Variants in NT5C2 observed in about 807,000 individuals in gnomAD.
NT5C2 encodes cytosolic purine 5'-nucleotidase.
Under a neutral mutation model 76.1 loss-of-function variants are expected in NT5C2, and 58 were observed. The ratio of observed to expected loss-of-function variants is 0.76; its 90% CI spans 0.62 to 0.95. NT5C2 has a LOEUF of 0.95. Among genes scored for constraint, NT5C2 ranks in the 40% least tolerant of loss-of-function variants. The pLI, the probability that NT5C2 is intolerant of heterozygous loss-of-function variation, is 0.00. For synonymous variants in NT5C2, 229 were observed against 237.4 expected (o/e 0.96, Z 0.32); for missense variants, 478 against 690.3 (o/e 0.69, Z 3.45).
intron 4 of NT5C2, among the ~76,000 whole-genome samples, chr10:103,121,402 C>T (rs2075635108): frequency 6.6e-6 from 1 of 152,128 alleles, no homozygotes; most frequent in Non-Finnish European, 1.5e-5. Flanking sequence ...CATTTAAGCA[C>T]CTCCAATGCC....
In NT5C2 at chr10:103,101,329, G is replaced by A. The variant is rs754629068; in HGVS notation, c.390-3C>T. 85 of 1,538,090 alleles carry A rather than the reference G, an allele frequency of 5.5e-5. No individual in the cohort carries two copies. Among genetic ancestry groups the A allele is most frequent in the Non-Finnish European group, 6.6e-5 (74 of 1,123,542 alleles). On this transcript the variant is annotated splice_polypyrimidine_tract_variant and splice_region_variant and intron_variant, in intron 6 of 18. Transcript: ENST00000404739. ...GATACTGTTCTCTAGTTTCTGGTCT[G>A]AAAGAAAAATTTAAAAATTAACTGA...
At position 103,098,682 on chromosome 10, in the gene NT5C2, T is replaced by TA. The variant is rs201183513; in HGVS notation, c.687+248dup. On this transcript the variant is annotated intron_variant, in intron 10 of 18. Transcript: ENST00000404739. The stretch of plus-strand genomic sequence containing the variant: ...ATTGAAGCTAAGCGAACAAATGCAA[T>TA]ACTGAGTCTTCTTGCCTATCAAGAA... 335 of 448,156 alleles carry TA rather than the reference T, an allele frequency of 7.5e-4. 8 individuals carry two copies. The East Asian group carries it at 0.013, about 18-fold the overall frequency. 27.8% of individuals were successfully genotyped at this position (448,156 alleles called of 1,614,324 possible). A position where few individuals can be genotyped will look rare whatever the true frequency, so the allele number is the denominator to read the frequency against.
rs1565290597 is a variant in NT5C2, at chr10:103,174,977, T to C, written c.-19A>G. The C allele has an allele frequency of 6.7e-7, 1 of 1,496,138 alleles. No homozygotes were observed. The highest frequency in any genetic ancestry group is 9.3e-7 in the Non-Finnish European group (1 of 1,073,374). 92.7% of individuals were successfully genotyped at this position (1,496,138 alleles called of 1,614,324 possible). The stretch of plus-strand genomic sequence containing the variant: ...TTGACATTTTATTTTAACTGTATTT[T>C]GTATTCTAGAAAAGAAAATCATTAA... On this transcript the variant is annotated 5_prime_UTR_variant, in exon 3 of 19. Transcript: ENST00000404739.
At chr10:103,159,558 A>C (rs1348153149) in intron 3 of NT5C2, among the ~76,000 whole-genome samples, 4 of 151,936 alleles carry the variant, frequency 2.6e-5, no homozygotes, top group African/African-American at 9.7e-5. Flanking sequence ...CTGAGGTGGG[A>C]GAATCACGTG....
intron 4 of NT5C2, chr10:103,125,255 A>G: frequency 1.3e-6 from 1 of 747,844 alleles, no homozygotes; most frequent in Non-Finnish European, 2.3e-6. Flanking sequence ...ATCATCAATG[A>G]TTTCAAATTC....
At chr10:103,163,523 G>T (rs1036432085) in intron 3 of NT5C2, among the ~76,000 whole-genome samples, 15 of 152,060 alleles carry the variant, frequency 9.9e-5, no homozygotes, top group Admixed American at 6.6e-4. Flanking sequence ...AATGGGTAAA[G>T]AAGTTAAATA....
intron 9 of NT5C2, 120 bp from the exon 10 acceptor site, chr10:103,099,104 A>C: frequency 1.3e-6 from 1 of 786,580 alleles, no homozygotes; most frequent in Non-Finnish European, 2.1e-6. Flanking sequence ...AGACAAGGTC[A>C]CCCTGTTGCC....
intron 4 of NT5C2, chr10:103,125,093 A>G (rs2076416302): frequency 1.3e-5 from 5 of 385,566 alleles, no homozygotes; most frequent in Non-Finnish European, 2.4e-5. Context: ...GTCAGCTGAG[A>G]TAGTTAGTAC....
At chr10:103,163,338 T>G (rs2085406485) in intron 3 of NT5C2, among the ~76,000 whole-genome samples, 1 of 152,202 alleles carries the variant, frequency 6.6e-6, no homozygotes, top group African/African-American at 2.4e-5. Flanking sequence ...GGTCTCTAAC[T>G]TGATAAGAAA....
intron 4 of NT5C2, among the ~76,000 whole-genome samples, chr10:103,113,249 T>C (rs1050804923): frequency 6.6e-6 from 1 of 152,108 alleles, no homozygotes; most frequent in Non-Finnish European, 1.5e-5. Context: ...AAATGCAAAA[T>C]TAAATGGTAA....
chr10:103,143,896 A>G (rs1196137569), intron 3 of NT5C2, among the ~76,000 whole-genome samples: 1 of 152,104 alleles, frequency 6.6e-6, no homozygotes. Context: ...TCAAGGCTGC[A>G]GCGAACTGAG....
At chr10:103,153,382 C>T in intron 3 of NT5C2, 6 of 1,209,092 alleles carry the variant, frequency 5.0e-6, no homozygotes, top group Non-Finnish European at 6.3e-6. Context: ...AACTGTAGCT[C>T]ATTTGTTAAA....
chr10:103,089,600 A>C lies in NT5C2; in HGVS notation c.*72T>G. The C allele has an allele frequency of 6.8e-7, 1 of 1,481,318 alleles. No homozygotes were observed. Among genetic ancestry groups the C allele is most frequent in the South Asian group, 1.4e-5 (1 of 70,322 alleles). The allele number at this position is 1,481,318 out of a possible 1,614,324, so 91.8% of individuals were successfully genotyped here. On this transcript the variant is annotated 3_prime_UTR_variant, in exon 19 of 19. Coordinates refer to ENST00000404739, the MANE Select transcript of NT5C2 (RefSeq NM_001351169.2). ...TCCCTCCCCCGAGTAGAACCCTAAC[A>C]GGGACCTCGTTTGTTCCTGTGAGTC...
At chr10:103,102,987 A>C (rs2070198527) in intron 6 of NT5C2, among the ~76,000 whole-genome samples, 1 of 152,154 alleles carries the variant, frequency 6.6e-6, no homozygotes, top group Admixed American at 6.5e-5. Flanking sequence ...AACCATGAAG[A>C]AAATTCAAGG....
chr10:103,097,403 C>G (rs1249035711), intron 10 of NT5C2, 29 bp from the exon 11 acceptor site: 1 of 1,560,110 alleles, frequency 6.4e-7, no homozygotes. Flanking sequence ...ATGAGTGAAA[C>G]ACGAAAACAT....
At chr10:103,123,930 AC>A (rs1436797360) in intron 4 of NT5C2, among the ~76,000 whole-genome samples, 1 of 152,190 alleles carries the variant, frequency 6.6e-6, no homozygotes, top group East Asian at 1.9e-4. Context: ...ATAATCCTAA[AC>A]CAAGAGTCAC....
At chr10:103,153,652 A>G in intron 3 of NT5C2, 16 of 985,356 alleles carry the variant, frequency 1.6e-5, no homozygotes, top group Non-Finnish European at 1.9e-5. Context: ...GAAAAAGCAA[A>G]TTTACCCCCT....
chr10:103,121,121 G>T (rs2075575018), intron 4 of NT5C2, among the ~76,000 whole-genome samples: 2 of 152,158 alleles, frequency 1.3e-5, no homozygotes, highest in Non-Finnish European at 2.9e-5. Flanking sequence ...AGCAACTGAG[G>T]GGTGGAGGGA....
At chr10:103,097,818 G>T (rs1217074399) in intron 10 of NT5C2, among the ~76,000 whole-genome samples, 1 of 152,172 alleles carries the variant, frequency 6.6e-6, no homozygotes, top group African/African-American at 2.4e-5. Context: ...CTTGCAGAAT[G>T]AAATGACATG....
Sources: allele counts gnomAD v4.1 joint callset (sites outside exome capture counted in the v4.1 genomes callset), GRCh38; gene constraint gnomAD v4.1.1; transcripts MANE v1.5; gene names NCBI Gene and HGNC (gene_info 2026-07-23, HGNC 2026-07-21).